Variants in ROBO1 observed in about 807,000 individuals in gnomAD.
The protein encoded by ROBO1 is roundabout guidance receptor 1, also known as roundabout homolog 1.
In ROBO1, 149 loss-of-function variants were observed where a neutral mutation model predicts 195.9. The ratio of observed to expected loss-of-function variants is 0.76; its 90% CI spans 0.67 to 0.87. The LOEUF (loss-of-function observed/expected upper bound fraction) is 0.87, where lower values mean the gene tolerates loss of function less well. ROBO1 is among the 40% of genes least tolerant of loss of function. ROBO1 has a pLI of 0.00. For synonymous variants in ROBO1, 816 were observed against 733.2 expected, an observed-to-expected ratio of 1.11 and a Z score of -1.82; for missense variants, 1,933 against 2,068.3, an observed-to-expected ratio of 0.93 and a Z score of 1.27.
chr3:79,333,494 T>C (rs186163885), intron 2 of ROBO1, among the ~76,000 whole-genome samples: 46 of 152,222 alleles, frequency 3.0e-4, no homozygotes, highest in Non-Finnish European at 5.4e-4. Context: ...CATATCCTTA[T>C]CAATTATCAA....
chr3:79,136,493 A>G, intron 2 of ROBO1, among the ~76,000 whole-genome samples: 1 of 152,304 alleles, frequency 6.6e-6, no homozygotes, highest in East Asian at 1.9e-4. Flanking sequence ...AATATAAACT[A>G]CTATCAATAT....
At chr3:79,513,795 G>A (rs950476134) in intron 2 of ROBO1, among the ~76,000 whole-genome samples, 3 of 152,022 alleles carry the variant, frequency 2.0e-5, no homozygotes, top group Admixed American at 2.0e-4. Flanking sequence ...TGATTTTAAA[G>A]GTAATGTTAT....
intron 3 of ROBO1, among the ~76,000 whole-genome samples, chr3:79,095,566 G>T (rs1447553784): frequency 2.6e-5 from 4 of 152,014 alleles, no homozygotes. Flanking sequence ...TGCAATCTCA[G>T]GTAAAACCCT....
intron 28 of ROBO1, among the ~76,000 whole-genome samples, chr3:78,613,698 T>A (rs141097200): frequency 2.0e-5 from 3 of 152,228 alleles, no homozygotes; most frequent in Non-Finnish European, 4.4e-5. Flanking sequence ...TAAATTCTTC[T>A]GTCAAGTGGT....
intron 1 of ROBO1, among the ~76,000 whole-genome samples, chr3:79,695,039 T>C (rs1049692493): frequency 1.3e-5 from 2 of 151,514 alleles, no homozygotes; most frequent in African/African-American, 2.4e-5. Flanking sequence ...AGAAGAAAAA[T>C]ACAGTTTTTA....
At chr3:79,632,057 G>T (rs969367447) in intron 1 of ROBO1, among the ~76,000 whole-genome samples, 1 of 152,038 alleles carries the variant, frequency 6.6e-6, no homozygotes, top group South Asian at 2.1e-4. Context: ...CAACCTCTAT[G>T]GAAAGTCATA....
intron 2 of ROBO1, among the ~76,000 whole-genome samples, chr3:79,157,849 A>G (rs2080885769): frequency 6.6e-6 from 1 of 151,910 alleles, no homozygotes; most frequent in South Asian, 2.1e-4. Context: ...AAAGACAGGA[A>G]GTACATGGAA....
At chr3:79,497,097 A>T (rs112719995) in intron 2 of ROBO1, among the ~76,000 whole-genome samples, 50 of 152,328 alleles carry the variant, frequency 3.3e-4, no homozygotes, top group African/African-American at 3.1e-4. Context: ...AAGAGAGGAC[A>T]GGCTGTAGTT....
At chr3:79,317,969 C>T (rs528590746) in intron 2 of ROBO1, among the ~76,000 whole-genome samples, 14 of 151,994 alleles carry the variant, frequency 9.2e-5, no homozygotes, top group Non-Finnish European at 1.9e-4. Context: ...TGTGGGATTA[C>T]GTAAACTAGC....
intron 2 of ROBO1, among the ~76,000 whole-genome samples, chr3:79,445,419 G>A (rs1010436615): frequency 2.0e-5 from 3 of 149,438 alleles, no homozygotes; most frequent in Non-Finnish European, 4.4e-5. Context: ...AACTATATAC[G>A]TAGTAATGTT....
intron 4 of ROBO1, among the ~76,000 whole-genome samples, chr3:78,848,880 G>T (rs1177736895): frequency 6.6e-6 from 1 of 152,152 alleles, no homozygotes; most frequent in Non-Finnish European, 1.5e-5. Flanking sequence ...CCAGCCAGGA[G>T]CTAACTTAAG....
chr3:79,613,823 C>T (rs4680966), intron 1 of ROBO1, among the ~76,000 whole-genome samples: 133,241 of 152,032 alleles, frequency 0.88, 58,497 homozygotes, highest in African/African-American at 0.91. Context: ...GTAAAAGGTT[C>T]GGAGAAAGAT....
intron 3 of ROBO1, among the ~76,000 whole-genome samples, chr3:79,106,218 T>G (rs2079776563): frequency 6.6e-6 from 1 of 151,764 alleles, no homozygotes; most frequent in Non-Finnish European, 1.5e-5. Flanking sequence ...ATTGTTTTGC[T>G]AGTTAAGAGG....
intron 1 of ROBO1, among the ~76,000 whole-genome samples, chr3:79,726,788 T>C (rs1702944518): frequency 6.6e-6 from 1 of 152,014 alleles, no homozygotes; most frequent in South Asian, 2.1e-4. Flanking sequence ...CCTTTGAAAA[T>C]AGGGTATATA....
intron 2 of ROBO1, among the ~76,000 whole-genome samples, chr3:79,226,838 C>T (rs983172883): frequency 1.3e-5 from 2 of 152,202 alleles, no homozygotes; most frequent in East Asian, 3.9e-4. Flanking sequence ...TGAGCCACTG[C>T]ACCTGGCCAA....
chr3:79,532,999 C>A, intron 2 of ROBO1: 1 of 321,244 alleles, frequency 3.1e-6, no homozygotes, highest in Non-Finnish European at 6.1e-6. Flanking sequence ...AAAAAAGTAT[C>A]TTGTAATTAA....
intron 2 of ROBO1, among the ~76,000 whole-genome samples, chr3:79,412,561 A>C (rs1002490046): frequency 1.3e-5 from 2 of 152,136 alleles, no homozygotes; most frequent in Non-Finnish European, 2.9e-5. Flanking sequence ...GAGCTCTGAC[A>C]TCTTGGAGAA....
At chr3:78,784,184 G>A (rs1227594792) in intron 4 of ROBO1, among the ~76,000 whole-genome samples, 1 of 151,900 alleles carries the variant, frequency 6.6e-6, no homozygotes, top group Non-Finnish European at 1.5e-5. Flanking sequence ...TTTTAATGTA[G>A]GTTATTTGAG....
intron 2 of ROBO1, among the ~76,000 whole-genome samples, chr3:79,170,023 A>C (rs2081138464): frequency 6.6e-6 from 1 of 152,182 alleles, no homozygotes; most frequent in African/African-American, 2.4e-5. Flanking sequence ...TCAAAGAGAG[A>C]GAGCGAGAGA....
Sources: allele counts gnomAD v4.1 joint callset (sites outside exome capture counted in the v4.1 genomes callset), GRCh38; gene constraint gnomAD v4.1.1; transcripts MANE v1.5; gene names NCBI Gene and HGNC (gene_info 2026-07-23, HGNC 2026-07-21).